Variants in ERICH1 observed in about 807,000 individuals in gnomAD.
ERICH1 encodes the protein glutamate rich 1.
In ERICH1, 56 loss-of-function variants were observed where a neutral mutation model predicts 39.6. That is an observed-to-expected ratio of 1.41 (90% CI 1.14 to 1.77). ERICH1 has a LOEUF of 1.77. ERICH1 is among the 40% of genes most tolerant of loss of function. ERICH1 has a pLI of 0.00. For synonymous variants in ERICH1, 313 were observed against 223.6 expected, an observed-to-expected ratio of 1.40 and a Z score of -3.57; for missense variants, 826 against 575.4, an observed-to-expected ratio of 1.44 and a Z score of -4.45.
At chr8:676,555 C>T (rs1323743431) in intron 3 of ERICH1, among the ~76,000 whole-genome samples, 1 of 152,130 alleles carries the variant, frequency 6.6e-6, no homozygotes, top group Non-Finnish European at 1.5e-5. Context: ...ACTACCCGTG[C>T]TGCTGCTCCC....
At chr8:660,041 C>T (rs1801184983), downstream of ERICH1, among the ~76,000 whole-genome samples, 1 of 152,256 alleles carries the variant, frequency 6.6e-6, no homozygotes, top group Non-Finnish European at 1.5e-5. Context: ...GTGCCAGATA[C>T]AGCTGCAGTG....
intron 2 of ERICH1, among the ~76,000 whole-genome samples, chr8:711,453 A>G (rs1443424792): frequency 2.0e-5 from 3 of 151,912 alleles, no homozygotes; most frequent in Non-Finnish European, 4.4e-5. Flanking sequence ...CCTCCCAAGT[A>G]ATCTTCTAAC....
chr8:629,750 G>GAC (rs1413103596), intron 3 of ERICH1, among the ~76,000 whole-genome samples: 74 of 141,306 alleles, frequency 5.2e-4, no homozygotes, highest in African/African-American at 7.2e-4. Context: ...AACCCACACA[G>GAC]AGCTGACTCA....
intron 3 of ERICH1, among the ~76,000 whole-genome samples, chr8:676,541 G>A (rs1263642723): frequency 1.3e-5 from 2 of 151,358 alleles, no homozygotes; most frequent in South Asian, 2.1e-4. Flanking sequence ...GAGGACAGAG[G>A]CACACTACCC....
At chr8:726,659 C>T (rs1818764945) in intron 1 of ERICH1, among the ~76,000 whole-genome samples, 5 of 148,964 alleles carry the variant, frequency 3.4e-5, no homozygotes, top group Admixed American at 2.0e-4. Context: ...TACACAAGTG[C>T]CACACACAGA....
chr8:729,137 C>T (rs1272125173), intron 1 of ERICH1, among the ~76,000 whole-genome samples: 2 of 152,220 alleles, frequency 1.3e-5, no homozygotes, highest in East Asian at 1.9e-4. Context: ...GATTCGCTGC[C>T]GCAGCCAGGG....
intron 3 of ERICH1, among the ~76,000 whole-genome samples, chr8:681,076 T>C (rs1338061949): frequency 2.0e-5 from 3 of 152,214 alleles, no homozygotes; most frequent in Non-Finnish European, 4.4e-5. Context: ...AAACACCGTA[T>C]GCCAGAGAGC....
chr8:674,648 C>T (rs771719593), intron 3 of ERICH1, among the ~76,000 whole-genome samples: 2 of 152,196 alleles, frequency 1.3e-5, no homozygotes, highest in Middle Eastern at 6.8e-3. Flanking sequence ...ATGGGCCTTT[C>T]CCTCTATGGG....
chr8:724,531 CG>C (rs1261693624), intron 1 of ERICH1, among the ~76,000 whole-genome samples: 1 of 151,978 alleles, frequency 6.6e-6, no homozygotes, highest in Non-Finnish European at 1.5e-5. Context: ...CCGACGGGGG[CG>C]GGACCTCAGA....
chr8:664,635 T>G lies in ERICH1; in HGVS notation c.1300A>C (p.Thr434Pro). The G allele has an allele frequency of 1.2e-6, 2 of 1,613,162 alleles. No homozygotes were observed. The highest frequency in any genetic ancestry group is 1.7e-6 in the Non-Finnish European group (2 of 1,179,754). ...CTGCTCTTCTCAGGAAGGATATGTG[T>G]GATCCAGTAACTAAAGAAAGCTGAG... ...VISAFFSYWI[T>P]HILPEKSSD Residue 434 changes from threonine to proline, a missense_variant, in exon 6 of 6, where the codon ACA becomes CCA. Physicochemically the swap from Thr to Pro is conservative, Grantham distance 38. Coordinates refer to ENST00000262109, the MANE Select transcript of ERICH1 (RefSeq NM_207332.3).
intron 2 of ERICH1, 52 bp from the exon 3 acceptor site, chr8:692,664 T>G: frequency 6.6e-7 from 1 of 1,514,690 alleles, no homozygotes; most frequent in Admixed American, 2.4e-5. Flanking sequence ...CAAAATGCAG[T>G]CATTTATTTG....
intron 3 of ERICH1, among the ~76,000 whole-genome samples, chr8:634,432 A>G (rs923443938): frequency 1.2e-4 from 19 of 152,238 alleles, no homozygotes; most frequent in Admixed American, 1.2e-3. Flanking sequence ...AAGTAAACAT[A>G]GAATTGCCAC....
chr8:684,063 C>G (rs1481192223), intron 3 of ERICH1, among the ~76,000 whole-genome samples: 2 of 152,188 alleles, frequency 1.3e-5, no homozygotes, highest in Non-Finnish European at 2.9e-5. Context: ...TAGTGTCTCA[C>G]CATAAAACAG....
chr8:637,253 G>C (rs897148122), intron 3 of ERICH1, among the ~76,000 whole-genome samples: 2 of 152,172 alleles, frequency 1.3e-5, no homozygotes. Flanking sequence ...CAACAGCCTC[G>C]TCCCCGGCAT....
intron 3 of ERICH1, among the ~76,000 whole-genome samples, chr8:632,908 C>T (rs995583751): frequency 3.3e-5 from 5 of 152,208 alleles, no homozygotes; most frequent in Non-Finnish European, 5.9e-5. Flanking sequence ...GTGCACAAGA[C>T]GTCCCACGGT....
chr8:661,602 T>C (rs955450598), downstream of ERICH1, among the ~76,000 whole-genome samples: 3 of 152,268 alleles, frequency 2.0e-5, no homozygotes, highest in African/African-American at 7.2e-5. Flanking sequence ...TTGTAGAAGA[T>C]AAATTGATCT....
intron 2 of ERICH1, among the ~76,000 whole-genome samples, chr8:703,110 C>G (rs1431919099): frequency 6.6e-6 from 1 of 152,208 alleles, no homozygotes; most frequent in African/African-American, 2.4e-5. Context: ...GGCAGAAGGG[C>G]CTCTCGTGTC....
rs772011533 is a variant in ERICH1 at position 668,665 on chromosome 8, G to C, written c.1191C>G (p.Leu397=). Residue 397 remains leucine (L), a synonymous_variant, in exon 5 of 6, where the codon CTC becomes CTG. Transcript: ENST00000262109. ...GCTTCAATCTCTCAGTATCTTGCAG[G>C]AGCAGCAGCGTTTTCATGTGGTACA... The part of the protein sequence containing the change: ...SILYHMKTLL[L]LQDTERLKHA... 4 of 1,614,156 alleles carry C rather than the reference G, an allele frequency of 2.5e-6. No homozygotes were observed. Among genetic ancestry groups the C allele is most frequent in the Non-Finnish European group, 2.5e-6 (3 of 1,180,048 alleles).
intron 3 of ERICH1, 105 bp downstream of exon 3, chr8:692,373 A>AC (rs1809093386): frequency 6.0e-6 from 9 of 1,503,828 alleles, no homozygotes; most frequent in African/African-American, 4.2e-5. Context: ...ATGCTCACCC[A>AC]CCCCCCAAGT....
Sources: gnomAD v4.1 joint callset for allele counts (sites outside exome capture counted in the v4.1 genomes callset) on GRCh38, gnomAD v4.1.1 for gene constraint, MANE v1.5 for transcripts, NCBI Gene and HGNC (gene_info 2026-07-23, HGNC 2026-07-21) for gene names.